MARCHF1: variants seen among roughly 807,000 people sequenced by gnomAD.
MARCHF1 encodes E3 ubiquitin-protein ligase MARCHF1.
MARCHF1 carries 40 observed loss-of-function variants against 54.2 expected under a neutral mutation model. The observed-to-expected ratio is 0.74, with a 90% CI of 0.57 to 0.96. The LOEUF (loss-of-function observed/expected upper bound fraction) is 0.96. Ranked by LOEUF, MARCHF1 falls within the 40% of genes least tolerant of loss-of-function variation. MARCHF1 has a pLI of 0.00. For missense variants in MARCHF1, 586 were observed against 656.5 expected (o/e 0.89, Z 1.17); for synonymous variants, 236 against 236.3 (o/e 1.00, Z 0.01).
intron 5 of MARCHF1, among the ~76,000 whole-genome samples, chr4:163,690,339 A>T (rs1176432954): frequency 6.6e-6 from 1 of 152,192 alleles, no homozygotes; most frequent in Non-Finnish European, 1.5e-5. Context: ...AAACATTCAA[A>T]GAAGACTGTA....
chr4:164,057,553 T>C (rs1288483783), intron 2 of MARCHF1, among the ~76,000 whole-genome samples: 1 of 152,042 alleles, frequency 6.6e-6, no homozygotes, highest in Non-Finnish European at 1.5e-5. Flanking sequence ...CGGTGGCAGA[T>C]TTTTTTTCTC....
At chr4:163,701,803 C>A (rs1744816536) in intron 4 of MARCHF1, among the ~76,000 whole-genome samples, 1 of 151,702 alleles carries the variant, frequency 6.6e-6, no homozygotes, top group Non-Finnish European at 1.5e-5. Flanking sequence ...ATAACATTGT[C>A]ATTGAAATAA....
chr4:164,268,786 G>A (rs1326812486), intron 1 of MARCHF1, among the ~76,000 whole-genome samples: 4 of 152,084 alleles, frequency 2.6e-5, no homozygotes, highest in Non-Finnish European at 5.9e-5. Flanking sequence ...TTCTTTAAAT[G>A]AAAATATAAC....
chr4:164,314,117 C>T (rs1316176312), intron 1 of MARCHF1, among the ~76,000 whole-genome samples: 4 of 152,316 alleles, frequency 2.6e-5, no homozygotes, highest in African/African-American at 9.6e-5. Context: ...GCCCATTCAG[C>T]ATGTTCTGCT....
intron 9 of MARCHF1, among the ~76,000 whole-genome samples, chr4:163,539,153 TG>T (rs796476156): frequency 9.1e-4 from 138 of 152,244 alleles, no homozygotes; most frequent in African/African-American, 3.2e-3. Context: ...CCTGAGTAGC[TG>T]GGACTACAGG....
intron 4 of MARCHF1, among the ~76,000 whole-genome samples, chr4:163,764,635 T>A (rs1746923653): frequency 6.6e-6 from 1 of 152,004 alleles, no homozygotes; most frequent in Non-Finnish European, 1.5e-5. Flanking sequence ...GGCTTCAAGG[T>A]TTCAAGTTTC....
intron 2 of MARCHF1, among the ~76,000 whole-genome samples, chr4:164,054,030 C>A (rs1354571378): frequency 6.6e-6 from 1 of 152,004 alleles, no homozygotes; most frequent in East Asian, 1.9e-4. Flanking sequence ...ACTCATCTGA[C>A]AAAGGGCTAA....
At chr4:163,744,832 AAT>A (rs1746310178) in intron 4 of MARCHF1, among the ~76,000 whole-genome samples, 1 of 152,188 alleles carries the variant, frequency 6.6e-6, no homozygotes, top group Admixed American at 6.5e-5. Flanking sequence ...TTGAAAATAA[AAT>A]AGAGCCAGAA....
At chr4:163,993,359 AC>A (rs1196380782) in intron 2 of MARCHF1, among the ~76,000 whole-genome samples, 11 of 152,126 alleles carry the variant, frequency 7.2e-5, no homozygotes, top group Non-Finnish European at 1.0e-4. Context: ...TTGTGTAATT[AC>A]AACATCTTTT....
intron 1 of MARCHF1, among the ~76,000 whole-genome samples, chr4:164,212,387 G>T (rs1731801002): frequency 6.6e-6 from 1 of 152,162 alleles, no homozygotes; most frequent in African/African-American, 2.4e-5. Flanking sequence ...CTTTCAAGGT[G>T]CCAGTGTTTC....
chr4:163,822,269 G>C (rs1195953978), intron 4 of MARCHF1, among the ~76,000 whole-genome samples: 2 of 151,648 alleles, frequency 1.3e-5, no homozygotes, highest in Non-Finnish European at 2.9e-5. Flanking sequence ...AACTCTAAAA[G>C]CTACCTGCTC....
intron 8 of MARCHF1, among the ~76,000 whole-genome samples, chr4:163,569,568 C>T (rs768255981): frequency 3.5e-5 from 4 of 113,886 alleles, no homozygotes; most frequent in Admixed American, 1.0e-4. Context: ...TCCTACGAAC[C>T]ATCTAAGGGG....
At chr4:163,629,208 T>G (rs556865319) in intron 5 of MARCHF1, among the ~76,000 whole-genome samples, 2 of 151,904 alleles carry the variant, frequency 1.3e-5, no homozygotes. Flanking sequence ...CCAAAACAGA[T>G]ATATAGACCA....
chr4:163,662,914 C>T (rs1448182415), intron 5 of MARCHF1, among the ~76,000 whole-genome samples: 1 of 151,978 alleles, frequency 6.6e-6, no homozygotes, highest in African/African-American at 2.4e-5. Flanking sequence ...CGACTGTCTG[C>T]ACTACAGTAA....
intron 3 of MARCHF1, among the ~76,000 whole-genome samples, chr4:163,955,403 G>GC (rs1752213256): frequency 6.8e-6 from 1 of 147,220 alleles, no homozygotes; most frequent in Non-Finnish European, 1.5e-5. Flanking sequence ...GACTCTCACT[G>GC]CCTGTAACAT....
Position 163,915,744 on chromosome 4 carries a change from G to T in MARCHF1, c.-38-61575C>A, listed in dbSNP as rs577636452. On this transcript the variant is annotated intron_variant, in intron 3 of 9. Transcript: ENST00000514618. The stretch of plus-strand genomic sequence containing the variant: ...ACAATAGAGTCTAATTATAAAGAAT[G>T]AATAAGTGTTTATTGATCCATATTT... Among the ~76,000 whole-genome samples the T allele has an allele frequency of 3.9e-5, 6 of 152,196 alleles. No individual in the cohort carries two copies. The South Asian group carries it at 1.2e-3, about 32-fold the overall frequency.
chr4:163,619,468 ACT>A (rs1413068579), intron 5 of MARCHF1, among the ~76,000 whole-genome samples: 1 of 152,182 alleles, frequency 6.6e-6, no homozygotes, highest in Admixed American at 6.6e-5. Flanking sequence ...ATTTAATAAA[ACT>A]CAGTAGGATC....
rs991989904 is a variant in MARCHF1, at chr4:164,166,129, T to A, written c.-322-54467A>T. ...TGGAATTTGGGATAAGAAATTCAAATAACTTTATGCCTATCAAAAATCAAC... is the reference window on the plus strand; with the variant it reads ...TGGAATTTGGGATAAGAAATTCAAAAAACTTTATGCCTATCAAAAATCAAC... On this transcript the variant is annotated intron_variant, in intron 1 of 9. Coordinates refer to ENST00000514618, the MANE Select transcript of MARCHF1 (RefSeq NM_001394959.1). Among the ~76,000 whole-genome samples, 324 of 152,116 alleles carry A rather than the reference T, an allele frequency of 2.1e-3. 2 individuals are homozygous for A. The highest frequency in any genetic ancestry group is 7.5e-3 in the African/African-American group (313 of 41,556).
intron 9 of MARCHF1, among the ~76,000 whole-genome samples, chr4:163,540,355 G>A (rs1360134560): frequency 6.6e-6 from 1 of 152,152 alleles, no homozygotes; most frequent in Non-Finnish European, 1.5e-5. Flanking sequence ...GCAGAACTAC[G>A]AAGTGTGTGT....
Sources: gnomAD v4.1 joint callset for allele counts (sites outside exome capture counted in the v4.1 genomes callset) on GRCh38, gnomAD v4.1.1 for gene constraint, MANE v1.5 for transcripts, NCBI Gene and HGNC (gene_info 2026-07-23, HGNC 2026-07-21) for gene names.